Variants in CLSTN2 observed in about 807,000 individuals in gnomAD.
The protein encoded by CLSTN2 is calsyntenin-2.
Under a neutral mutation model 101.2 loss-of-function variants are expected in CLSTN2, and 48 were observed. The observed-to-expected ratio is 0.47, with a 90% confidence interval of 0.38 to 0.60. CLSTN2 has a LOEUF of 0.60. Among genes scored for constraint, CLSTN2 ranks in the 20% least tolerant of loss-of-function variants. The pLI, the probability that CLSTN2 is intolerant of heterozygous loss-of-function variation, is 0.00. For missense variants in CLSTN2, 1,160 were observed against 1,238.2 expected (o/e 0.94, Z 0.95); for synonymous variants, 481 against 463.6 (o/e 1.04, Z -0.48).
At chr3:140,067,897 T>G (rs2008326124) in intron 1 of CLSTN2, among the ~76,000 whole-genome samples, 1 of 152,176 alleles carries the variant, frequency 6.6e-6, no homozygotes, top group Non-Finnish European at 1.5e-5. Context: ...GGTTACTGTC[T>G]CTCTGGTTGA....
At chr3:140,090,965 C>G (rs939016005) in intron 1 of CLSTN2, among the ~76,000 whole-genome samples, 1 of 152,010 alleles carries the variant, frequency 6.6e-6, no homozygotes, top group African/African-American at 2.4e-5. Context: ...ATGTAGGTAG[C>G]CTGGTGATGG....
chr3:140,562,277 C>A lies in CLSTN2; in HGVS notation c.2181C>A (p.Ala727=). ...AGCTCCACCAACGACACCTGGATGC[C>A]ACTAATTCTACTGCAGGCTACTCCA... is the stretch of plus-strand genomic sequence containing the variant. ...HSELHQRHLD[A]TNSTAGYSIY... The change falls in exon 13 of 17, where the codon GCC becomes GCA. Residue 727 remains alanine (A), a synonymous_variant. Coordinates refer to ENST00000458420, the MANE Select transcript of CLSTN2 (RefSeq NM_022131.3). 1 of 1,613,802 alleles carries A rather than the reference C, an allele frequency of 6.2e-7. No homozygotes were observed. Among genetic ancestry groups the A allele is most frequent in the Non-Finnish European group, 8.5e-7 (1 of 1,179,922 alleles).
At chr3:139,937,563 C>T (rs1935046250) in intron 1 of CLSTN2, among the ~76,000 whole-genome samples, 1 of 147,632 alleles carries the variant, frequency 6.8e-6, no homozygotes, top group South Asian at 2.2e-4. Flanking sequence ...ATGGAGAAAC[C>T]CCGTCTCTAC....
At chr3:139,971,612 T>A (rs1303456816) in intron 1 of CLSTN2, among the ~76,000 whole-genome samples, 1 of 152,040 alleles carries the variant, frequency 6.6e-6, no homozygotes, top group Non-Finnish European at 1.5e-5. Flanking sequence ...ATGGAATGAG[T>A]CTATATCCAA....
chr3:140,126,100 C>T (rs1051591718), intron 1 of CLSTN2, among the ~76,000 whole-genome samples: 3 of 152,034 alleles, frequency 2.0e-5, no homozygotes, highest in African/African-American at 7.2e-5. Flanking sequence ...GATGTATAGC[C>T]TTAGGAGTGG....
intron 1 of CLSTN2, among the ~76,000 whole-genome samples, chr3:140,018,323 C>T (rs765481089): frequency 2.0e-5 from 3 of 152,166 alleles, no homozygotes; most frequent in Non-Finnish European, 4.4e-5. Flanking sequence ...GGAGGGGAGA[C>T]ATTTTGCCAT....
At chr3:140,246,189 A>G (rs563217483) in intron 2 of CLSTN2, among the ~76,000 whole-genome samples, 5 of 152,328 alleles carry the variant, frequency 3.3e-5, no homozygotes, top group African/African-American at 1.2e-4. Flanking sequence ...GATGCCTATC[A>G]GATGAAAGTT....
intron 1 of CLSTN2, among the ~76,000 whole-genome samples, chr3:139,967,932 T>G (rs901719116): frequency 2.0e-5 from 3 of 152,124 alleles, no homozygotes; most frequent in Admixed American, 1.3e-4. Context: ...GAACTACATG[T>G]GATGATTCAC....
intron 5 of CLSTN2, among the ~76,000 whole-genome samples, chr3:140,434,593 C>T (rs1175413503): frequency 5.3e-5 from 8 of 152,164 alleles, no homozygotes; most frequent in Admixed American, 1.3e-4. Context: ...GGTGGCACCT[C>T]GGCTGAAATC....
At chr3:139,967,957 A>G (rs1239754789) in intron 1 of CLSTN2, among the ~76,000 whole-genome samples, 1 of 152,136 alleles carries the variant, frequency 6.6e-6, no homozygotes, top group Non-Finnish European at 1.5e-5. Context: ...CTGAGGTCCC[A>G]TAGTCTCATA....
intron 1 of CLSTN2, among the ~76,000 whole-genome samples, chr3:140,094,315 C>T (rs2008831525): frequency 6.6e-6 from 1 of 152,172 alleles, no homozygotes; most frequent in South Asian, 2.1e-4. Context: ...GTCTGTCTGG[C>T]TTTAGAGACC....
intron 8 of CLSTN2, among the ~76,000 whole-genome samples, chr3:140,471,294 A>T (rs994663001): frequency 9.2e-5 from 14 of 152,116 alleles, no homozygotes; most frequent in Non-Finnish European, 1.6e-4. Flanking sequence ...TCAGTGTCAC[A>T]ATCTAATAAT....
intron 5 of CLSTN2, among the ~76,000 whole-genome samples, chr3:140,435,648 G>A (rs185086313): frequency 3.3e-5 from 5 of 152,258 alleles, no homozygotes; most frequent in Admixed American, 6.5e-5. Flanking sequence ...TCTCAAAACC[G>A]TTCTCCATAG....
At chr3:140,442,870 A>G (rs746578725) in intron 5 of CLSTN2, among the ~76,000 whole-genome samples, 5 of 152,060 alleles carry the variant, frequency 3.3e-5, no homozygotes, top group African/African-American at 1.2e-4. Context: ...ACTCACCCCC[A>G]ATTCAGATGC....
chr3:140,288,595 A>G (rs1271881233), intron 2 of CLSTN2, among the ~76,000 whole-genome samples: 1 of 152,162 alleles, frequency 6.6e-6, no homozygotes, highest in Non-Finnish European at 1.5e-5. Context: ...TGTGGTTTGT[A>G]TATTGGCTTG....
chr3:140,081,246 A>T (rs79939327), intron 1 of CLSTN2, among the ~76,000 whole-genome samples: 8,581 of 152,314 alleles, frequency 0.056, 278 homozygotes, highest in Middle Eastern at 0.075. Flanking sequence ...CACAAATGTC[A>T]AGACACTACT....
chr3:140,248,610 G>A (rs931236896), intron 2 of CLSTN2, among the ~76,000 whole-genome samples: 26 of 152,276 alleles, frequency 1.7e-4, no homozygotes, highest in African/African-American at 6.3e-4. Context: ...ACGAAGATGG[G>A]GCTGAAGGAC....
intron 8 of CLSTN2, among the ~76,000 whole-genome samples, chr3:140,526,817 CAAAAA>C (rs1226840136): frequency 6.6e-6 from 1 of 151,940 alleles, no homozygotes; most frequent in Non-Finnish European, 1.5e-5. Context: ...GCAAAATAGA[CAAAAA>C]TAAACAATGG....
chr3:140,552,390 A>T (rs1935718837), intron 10 of CLSTN2, among the ~76,000 whole-genome samples: 1 of 131,106 alleles, frequency 7.6e-6, no homozygotes. Flanking sequence ...AGAGCTGGGA[A>T]TACCGCAGTT....
Sources: allele counts gnomAD v4.1 joint callset (sites outside exome capture counted in the v4.1 genomes callset), GRCh38; gene constraint gnomAD v4.1.1; transcripts MANE v1.5; gene names NCBI Gene and HGNC (gene_info 2026-07-23, HGNC 2026-07-21).